Variants in KHDRBS2 observed in about 807,000 individuals in gnomAD.
The protein encoded by KHDRBS2 is KH RNA binding domain containing, signal transduction associated 2.
KHDRBS2 carries 26 observed loss-of-function variants against 44.3 expected under a neutral mutation model. The observed-to-expected ratio is 0.59, with a 90% CI of 0.43 to 0.81. The LOEUF (loss-of-function observed/expected upper bound fraction) is 0.81, where lower values mean the gene tolerates loss of function less well. KHDRBS2 is among the 40% of genes least tolerant of loss of function. The pLI is 0.00. For synonymous variants in KHDRBS2, 194 were observed against 151.1 expected, an observed-to-expected ratio of 1.28 and a Z score of -2.08; for missense variants, 476 against 433.1, an observed-to-expected ratio of 1.10 and a Z score of -0.88.
intron 6 of KHDRBS2, among the ~76,000 whole-genome samples, chr6:61,785,175 CAA>C (rs1783601168): frequency 6.6e-6 from 1 of 150,624 alleles, no homozygotes; most frequent in Non-Finnish European, 1.5e-5. Context: ...CAAACAACAA[CAA>C]CAAAAAAAAA....
intron 2 of KHDRBS2, among the ~76,000 whole-genome samples, chr6:62,068,378 G>T (rs560868827): frequency 6.6e-6 from 1 of 151,028 alleles, no homozygotes; most frequent in African/African-American, 2.4e-5. Context: ...TTCTTATTGA[G>T]ATATGAGTTA....
intron 6 of KHDRBS2, among the ~76,000 whole-genome samples, chr6:61,809,713 C>A (rs1294773473): frequency 1.3e-5 from 2 of 152,090 alleles, no homozygotes; most frequent in African/African-American, 4.8e-5. Context: ...TGTGATGGAG[C>A]TTCTTAGACA....
the KHDRBS2 span, among the ~76,000 whole-genome samples, chr6:61,561,203 C>CT: frequency 1.3e-5 from 2 of 152,080 alleles, no homozygotes; most frequent in Non-Finnish European, 2.9e-5. Context: ...CTCTCTCTCT[C>CT]CTTCTCTGTT....
intron 4 of KHDRBS2, among the ~76,000 whole-genome samples, chr6:61,908,936 T>C (rs1397520123): frequency 1.3e-5 from 2 of 152,160 alleles, no homozygotes; most frequent in Admixed American, 6.5e-5. Context: ...TCTTACAAGA[T>C]GAATTATAAA....
intron 1 of KHDRBS2, among the ~76,000 whole-genome samples, chr6:62,246,579 A>G (rs1211816312): frequency 2.6e-5 from 4 of 152,104 alleles, no homozygotes; most frequent in Non-Finnish European, 5.9e-5. Flanking sequence ...TGCATAGTAC[A>G]TAGGACATTT....
chr6:62,032,516 T>TTAATAATA (rs1263330160), intron 3 of KHDRBS2, among the ~76,000 whole-genome samples: 5 of 150,218 alleles, frequency 3.3e-5, no homozygotes, highest in African/African-American at 1.2e-4. Context: ...CTTAATAAAC[T>TTAATAATA]CCCATATATA....
chr6:61,815,673 T>A (rs1788802895), intron 6 of KHDRBS2, among the ~76,000 whole-genome samples: 3 of 152,136 alleles, frequency 2.0e-5, no homozygotes, highest in Non-Finnish European at 4.4e-5. Flanking sequence ...CCTGAAGTAA[T>A]TATTGAGGAA....
intron 4 of KHDRBS2, among the ~76,000 whole-genome samples, chr6:61,942,656 T>C (rs1304285631): frequency 6.6e-6 from 1 of 152,078 alleles, no homozygotes; most frequent in Non-Finnish European, 1.5e-5. Context: ...AGAAAACCTA[T>C]TTAACAAAAT....
Position 61,901,462 on chromosome 6 carries a change from T to C in KHDRBS2, c.484-91A>G, listed in dbSNP as rs1190525136. On this transcript the variant is annotated intron_variant, in intron 4 of 8. Transcript: ENST00000281156. ...AAAAAAGAAACAAAACAAAACGCAA[T>C]AGGAAATAATTTTTTTCATTTGTTT... The C allele has an allele frequency of 3.2e-5, 31 of 981,506 alleles. No homozygotes were observed. The East Asian group carries it at 7.0e-4, about 22-fold the overall frequency. The allele number at this position is 981,506 out of a possible 1,614,324, so 60.8% of individuals were successfully genotyped here.
At chr6:61,934,447 C>T (rs1934072082) in intron 4 of KHDRBS2, among the ~76,000 whole-genome samples, 2 of 152,102 alleles carry the variant, frequency 1.3e-5, no homozygotes, top group Admixed American at 6.6e-5. Flanking sequence ...TGAGATATCA[C>T]ACTGATACAA....
intron 7 of KHDRBS2, 133 bp downstream of exon 7, chr6:61,732,549 G>C (rs1179591659): frequency 1.6e-6 from 1 of 643,336 alleles, no homozygotes; most frequent in Admixed American, 2.8e-5. Context: ...TAAGCAACTT[G>C]ATAATTCAGA....
At chr6:62,242,790 C>G (rs1359370072) in intron 1 of KHDRBS2, among the ~76,000 whole-genome samples, 1 of 152,172 alleles carries the variant, frequency 6.6e-6, no homozygotes, top group Non-Finnish European at 1.5e-5. Flanking sequence ...AGAACTGATG[C>G]TTTTCTTGTT....
chr6:61,950,132 GT>G (rs1764441024), intron 4 of KHDRBS2, among the ~76,000 whole-genome samples: 1 of 152,030 alleles, frequency 6.6e-6, no homozygotes, highest in Non-Finnish European at 1.5e-5. Flanking sequence ...TCTTTGGCAA[GT>G]TTATTGGGTG....
At chr6:61,575,414 T>G in the KHDRBS2 span, among the ~76,000 whole-genome samples, 1 of 152,052 alleles carries the variant, frequency 6.6e-6, no homozygotes, top group African/African-American at 2.4e-5. Context: ...AGATACCACC[T>G]TACTCCTGCA....
chr6:61,936,408 T>C (rs1811037744), intron 4 of KHDRBS2, among the ~76,000 whole-genome samples: 1 of 152,054 alleles, frequency 6.6e-6, no homozygotes. Context: ...GCTTGTACTT[T>C]ACTTTGAACT....
chr6:62,058,707 A>G (rs1471585785), intron 2 of KHDRBS2, among the ~76,000 whole-genome samples: 3 of 151,906 alleles, frequency 2.0e-5, no homozygotes, highest in African/African-American at 7.2e-5. Flanking sequence ...ATTTTATTCT[A>G]TTGCAAAAAT....
chr6:61,582,291 A>G, the KHDRBS2 span, among the ~76,000 whole-genome samples: 1 of 151,776 alleles, frequency 6.6e-6, no homozygotes, highest in Non-Finnish European at 1.5e-5. Context: ...TTGCTTTAGA[A>G]AATGATACAA....
At chr6:61,741,545 G>A (rs940679803) in intron 6 of KHDRBS2, among the ~76,000 whole-genome samples, 1 of 151,774 alleles carries the variant, frequency 6.6e-6, no homozygotes, top group African/African-American at 2.4e-5. Context: ...ATTTTGCTGC[G>A]GTTTGGGGTA....
chr6:61,832,668 T>C (rs1792013270), intron 6 of KHDRBS2, among the ~76,000 whole-genome samples: 1 of 152,154 alleles, frequency 6.6e-6, no homozygotes. Flanking sequence ...TTGTTAGGTC[T>C]TAAAGACAAC....
Sources: allele counts gnomAD v4.1 joint callset (sites outside exome capture counted in the v4.1 genomes callset), GRCh38; gene constraint gnomAD v4.1.1; transcripts MANE v1.5; gene names NCBI Gene and HGNC (gene_info 2026-07-23, HGNC 2026-07-21).